The following G3BP2 variants were observed in gnomAD, a reference collection of about 807,000 sequenced individuals.
G3BP2 encodes G3BP stress granule assembly factor 2.
G3BP2 carries 11 observed loss-of-function variants against 56.7 expected under a neutral mutation model. The observed-to-expected ratio is 0.19, with a 90% CI of 0.12 to 0.32. G3BP2 has a LOEUF of 0.32. G3BP2 is among the 10% of genes least tolerant of loss of function. The probability of loss-of-function intolerance (pLI) is 1.00; values close to 1 mark genes in which losing one functional copy is unlikely to be tolerated. For synonymous variants in G3BP2, 165 were observed against 191.6 expected, an observed-to-expected ratio of 0.86 and a Z score of 1.15; for missense variants, 340 against 610.9, an observed-to-expected ratio of 0.56 and a Z score of 4.67.
chr4:75,719,676 C>T lies in G3BP2; in HGVS notation c.-25+1201G>A, dbSNP rs556573672. On this transcript the variant is annotated intron_variant, in intron 3 of 3. Transcript: ENST00000499709. ...CAAGATCCTGGCTCACTGCAACCTCCGCCTCCCAGTTTAAGCGATTCTCCT... is the reference window on the plus strand; with the variant it reads ...CAAGATCCTGGCTCACTGCAACCTCTGCCTCCCAGTTTAAGCGATTCTCCT... Among the ~76,000 whole-genome samples the T allele has an allele frequency of 3.0e-4, 45 of 151,970 alleles. No homozygotes were observed. In the South Asian group the frequency reaches 9.4e-3, roughly 32 times the overall value.
intron 3 of G3BP2, among the ~76,000 whole-genome samples, chr4:75,697,494 G>T (rs1719173814): frequency 6.6e-6 from 1 of 151,968 alleles, no homozygotes; most frequent in East Asian, 1.9e-4. Flanking sequence ...CCATAATATA[G>T]ATTTTAAAAA....
chr4:75,710,423 A>G (rs189753491), intron 3 of G3BP2, among the ~76,000 whole-genome samples: 87 of 152,318 alleles, frequency 5.7e-4, no homozygotes, highest in Non-Finnish European at 1.2e-3. Context: ...ACTTTTCCAC[A>G]TCTCATAAAT....
At chr4:75,718,530 T>C (rs1452576049) in intron 3 of G3BP2, among the ~76,000 whole-genome samples, 2 of 152,332 alleles carry the variant, frequency 1.3e-5, no homozygotes, top group East Asian at 3.9e-4. Flanking sequence ...ATGTATTGTT[T>C]TTCTTATCCT....
chr4:75,719,876 A>G (rs1363077386), intron 3 of G3BP2, among the ~76,000 whole-genome samples: 1 of 151,964 alleles, frequency 6.6e-6, no homozygotes, highest in Non-Finnish European at 1.5e-5. Flanking sequence ...AGGGTGAGTT[A>G]CCGTGCCCGG....
upstream of G3BP2, among the ~76,000 whole-genome samples, chr4:75,675,768 G>C (rs1314588503): frequency 6.6e-6 from 1 of 152,110 alleles, no homozygotes; most frequent in Non-Finnish European, 1.5e-5. Flanking sequence ...CTCCAGCCTG[G>C]GTGACAACAG....
intron 3 of G3BP2, among the ~76,000 whole-genome samples, chr4:75,701,438 T>C (rs1719340146): frequency 6.6e-6 from 1 of 150,426 alleles, no homozygotes; most frequent in African/African-American, 2.4e-5. Flanking sequence ...TTTTGTTTGT[T>C]TGTTTTCACA....
At chr4:75,708,001 C>T (rs1719617710) in intron 3 of G3BP2, among the ~76,000 whole-genome samples, 1 of 151,890 alleles carries the variant, frequency 6.6e-6, no homozygotes, top group African/African-American at 2.4e-5. Context: ...ATTAACAGAC[C>T]CTCTATAACC....
chr4:75,649,177 TG>T (rs1225484490), intron 8 of G3BP2: 1 of 157,432 alleles, frequency 6.4e-6, no homozygotes. Context: ...ATCCTTCAAA[TG>T]TAACAGTGCT....
At chr4:75,702,996 G>T (rs1430599027) in intron 3 of G3BP2, among the ~76,000 whole-genome samples, 4 of 152,160 alleles carry the variant, frequency 2.6e-5, no homozygotes, top group African/African-American at 9.7e-5. Context: ...AGGAGTCGAG[G>T]CTCCTAAACT....
chr4:75,673,264 A>T lies in G3BP2; in HGVS notation c.-81T>A, dbSNP rs994957171. On this transcript the variant is annotated 5_prime_UTR_variant, in exon 1 of 12. Transcript: ENST00000359707. ...GCGGAGGTCAGAAGAGTCGCTGAGGACCGGGTGCGGCGGGTTCTTATTGCT... is the reference window on the plus strand; with the variant it reads ...GCGGAGGTCAGAAGAGTCGCTGAGGTCCGGGTGCGGCGGGTTCTTATTGCT... The T allele has an allele frequency of 4.1e-6, 5 of 1,223,406 alleles. No individual in the cohort carries two copies. Among genetic ancestry groups the T allele is most frequent in the Non-Finnish European group, 4.1e-6 (4 of 983,094 alleles). 75.8% of individuals were successfully genotyped at this position (1,223,406 alleles called of 1,614,324 possible).
upstream of G3BP2, among the ~76,000 whole-genome samples, chr4:75,677,837 T>C (rs1733934460): frequency 6.6e-6 from 1 of 152,198 alleles, no homozygotes; most frequent in Non-Finnish European, 1.5e-5. Context: ...CCAAAATTCA[T>C]GTTGAAACTT....
intron 3 of G3BP2, among the ~76,000 whole-genome samples, chr4:75,686,492 G>A (rs1243947215): frequency 6.7e-6 from 1 of 149,314 alleles, no homozygotes; most frequent in African/African-American, 2.5e-5. Flanking sequence ...GTAAGAATGA[G>A]CCAGCGAAGG....
intron 1 of G3BP2, among the ~76,000 whole-genome samples, chr4:75,663,754 G>A (rs192133998): frequency 9.4e-4 from 139 of 148,380 alleles, no homozygotes; most frequent in African/African-American, 2.6e-3. Flanking sequence ...CAGCCACTCC[G>A]GAGGCTGAGG....
At chr4:75,651,578 C>T (rs1731703027) in intron 8 of G3BP2, among the ~76,000 whole-genome samples, 1 of 152,178 alleles carries the variant, frequency 6.6e-6, no homozygotes, top group Non-Finnish European at 1.5e-5. Flanking sequence ...AACTGATTGA[C>T]ATATGTTAAC....
At chr4:75,703,423 TCTA>T (rs1719422847) in intron 3 of G3BP2, among the ~76,000 whole-genome samples, 1 of 152,176 alleles carries the variant, frequency 6.6e-6, no homozygotes, top group Admixed American at 6.5e-5. Context: ...GTATGCAACT[TCTA>T]CTGGTTTCCC....
At chr4:75,716,326 T>C (rs1452510976) in intron 3 of G3BP2, among the ~76,000 whole-genome samples, 1 of 151,742 alleles carries the variant, frequency 6.6e-6, no homozygotes, top group Non-Finnish European at 1.5e-5. Flanking sequence ...CGTGCCATGA[T>C]GCCCAGCCAG....
At chr4:75,682,757 A>G (rs759347846) in intron 3 of G3BP2, among the ~76,000 whole-genome samples, 13 of 152,058 alleles carry the variant, frequency 8.5e-5, no homozygotes, top group South Asian at 2.1e-4. Context: ...CAAGGCGGGC[A>G]GATCACGAGG....
In G3BP2 at chr4:75,658,788, T is replaced by TA. The variant is rs1578393941; in HGVS notation, c.177+54dup. ...CCATGGACACAAGAAGGCTATTTTTTAAAATCTCCATCTTAACACAAAATT... is the reference window on the plus strand; with the variant it reads ...CCATGGACACAAGAAGGCTATTTTTTAAAAATCTCCATCTTAACACAAAATT... On this transcript the variant is annotated intron_variant, in intron 3 of 11. Transcript: ENST00000359707. 5 of 1,087,006 alleles carry TA rather than the reference T, an allele frequency of 4.6e-6. No individual in the cohort carries two copies. The East Asian group carries it at 1.2e-4, about 26-fold the overall frequency. 67.3% of individuals were successfully genotyped at this position (1,087,006 alleles called of 1,614,324 possible).
At chr4:75,682,111 G>A (rs570596514) in intron 3 of G3BP2, among the ~76,000 whole-genome samples, 15 of 152,156 alleles carry the variant, frequency 9.9e-5, no homozygotes, top group African/African-American at 3.6e-4. Context: ...AGAATGGTGT[G>A]CACTTTCAAA....
Sources: allele counts gnomAD v4.1 joint callset (sites outside exome capture counted in the v4.1 genomes callset), GRCh38; gene constraint gnomAD v4.1.1; transcripts MANE v1.5; gene names NCBI Gene and HGNC (gene_info 2026-07-23, HGNC 2026-07-21).